KIAA0825: variants seen among roughly 807,000 people sequenced by gnomAD.
KIAA0825 encodes uncharacterized protein KIAA0825.
Under a neutral mutation model 147.6 loss-of-function variants are expected in KIAA0825, and 119 were observed. That is an observed-to-expected ratio of 0.81 (90% CI 0.69 to 0.94). KIAA0825 has a LOEUF of 0.94. Among genes scored for constraint, KIAA0825 ranks in the 40% least tolerant of loss-of-function variants. The pLI is 0.00. For missense variants in KIAA0825, 1,381 were observed against 1,472.7 expected (o/e 0.94, Z 1.02); for synonymous variants, 470 against 518.1 (o/e 0.91, Z 1.26).
At chr5:94,501,133 TAAAAC>T (rs1267995826) in intron 5 of KIAA0825, among the ~76,000 whole-genome samples, 1 of 152,182 alleles carries the variant, frequency 6.6e-6, no homozygotes, top group African/African-American at 2.4e-5. Context: ...ACATTAAAGA[TAAAAC>T]AAAGTGTTCA....
chr5:94,433,183 A>G (rs1018314241), intron 14 of KIAA0825, among the ~76,000 whole-genome samples: 1 of 151,922 alleles, frequency 6.6e-6, no homozygotes, highest in Non-Finnish European at 1.5e-5. Flanking sequence ...GCCTGCCACC[A>G]CACCTGGCTA....
At chr5:94,210,369 A>G (rs1176592914) in intron 20 of KIAA0825, among the ~76,000 whole-genome samples, 2 of 152,202 alleles carry the variant, frequency 1.3e-5, no homozygotes, top group South Asian at 2.1e-4. Context: ...TCCTTATAAC[A>G]TAATGATGCT....
intron 20 of KIAA0825, among the ~76,000 whole-genome samples, chr5:94,265,321 C>A (rs1040393291): frequency 1.3e-5 from 2 of 152,080 alleles, no homozygotes; most frequent in South Asian, 4.1e-4. Context: ...AGTCCCAAGA[C>A]CATTTCAGGC....
In KIAA0825 at chr5:94,180,059, TC is replaced by T. The variant is rs1299121412; in HGVS notation, c.3711-25936del. On this transcript the variant is annotated intron_variant, in intron 20 of 20. Transcript: ENST00000682413. ...GATATTTTTATAATATCAAAGCATC[TC>T]CCCCAAAGTACTTAGTAATTATAAA... Among the ~76,000 whole-genome samples the T allele has an allele frequency of 2.0e-5, 3 of 152,032 alleles. No homozygotes were observed. In the East Asian group the frequency reaches 5.8e-4, roughly 29 times the overall value.
At chr5:94,512,927 T>C (rs1473983544) in intron 5 of KIAA0825, among the ~76,000 whole-genome samples, 2 of 152,030 alleles carry the variant, frequency 1.3e-5, no homozygotes, top group Non-Finnish European at 1.5e-5. Context: ...TGGAATAATT[T>C]AGATAATTTT....
chr5:94,610,810 TAA>T (rs1788625407), intron 1 of KIAA0825, among the ~76,000 whole-genome samples: 3 of 67,934 alleles, frequency 4.4e-5, no homozygotes, highest in African/African-American at 1.7e-4. Flanking sequence ...TATATATAAA[TAA>T]AAAGATTAAA....
At chr5:94,360,514 G>A (rs1420159601) in intron 20 of KIAA0825, among the ~76,000 whole-genome samples, 1 of 152,142 alleles carries the variant, frequency 6.6e-6, no homozygotes, top group Non-Finnish European at 1.5e-5. Context: ...GATAAAACAG[G>A]TTGTAGTAAA....
chr5:94,593,115 C>G, intron 1 of KIAA0825: 1 of 742,598 alleles, frequency 1.3e-6, no homozygotes, highest in East Asian at 2.5e-5. Context: ...ATGGCAATAC[C>G]CTGGTGAATG....
intron 20 of KIAA0825, among the ~76,000 whole-genome samples, chr5:94,214,522 G>A (rs1773032774): frequency 6.6e-6 from 1 of 151,972 alleles, no homozygotes; most frequent in Non-Finnish European, 1.5e-5. Flanking sequence ...GACTTTAGTT[G>A]CTCTGAGCCC....
intron 5 of KIAA0825, chr5:94,519,136 A>C: frequency 1.3e-6 from 1 of 790,242 alleles, no homozygotes; most frequent in Non-Finnish European, 1.5e-6. Context: ...CTCTTCTGCA[A>C]TGAGATATAG....
At chr5:94,448,874 CT>C (rs1407091785) in intron 13 of KIAA0825, among the ~76,000 whole-genome samples, 3 of 152,240 alleles carry the variant, frequency 2.0e-5, no homozygotes, top group Non-Finnish European at 4.4e-5. Context: ...AAATCAATAA[CT>C]TTAGTTATTT....
intron 1 of KIAA0825, among the ~76,000 whole-genome samples, chr5:94,598,777 A>G (rs1255520253): frequency 6.6e-6 from 1 of 152,170 alleles, no homozygotes; most frequent in Admixed American, 6.6e-5. Context: ...CATGATAATC[A>G]TATGGGACCA....
chr5:94,524,765 T>A (rs1200751199), intron 3 of KIAA0825, among the ~76,000 whole-genome samples: 1 of 151,772 alleles, frequency 6.6e-6, no homozygotes, highest in Non-Finnish European at 1.5e-5. Context: ...CTTTTCCATA[T>A]TTTCTAAATA....
intron 20 of KIAA0825, among the ~76,000 whole-genome samples, chr5:94,172,732 C>T (rs892474910): frequency 1.3e-5 from 2 of 151,978 alleles, no homozygotes; most frequent in African/African-American, 4.8e-5. Flanking sequence ...ACCTACTATA[C>T]TTACGGTCTG....
At chr5:94,541,773 T>C (rs1417866268) in intron 2 of KIAA0825, among the ~76,000 whole-genome samples, 2 of 152,232 alleles carry the variant, frequency 1.3e-5, no homozygotes, top group Non-Finnish European at 2.9e-5. Context: ...GAATTCGGTT[T>C]GACACCAATA....
rs77375470 is a variant in KIAA0825 at position 94,442,101 on chromosome 5, G to A, written c.2358-1980C>T. On this transcript the variant is annotated intron_variant, in intron 13 of 20. Transcript: ENST00000682413. ...CTGATTGATTTTTCTGCTCATAAAT[G>A]AGTAGGCAAACTTATAGAAAAAAAA... Among the ~76,000 whole-genome samples, 983 of 152,256 alleles carry A rather than the reference G, an allele frequency of 6.5e-3. 14 individuals are homozygous for A. The highest frequency in any genetic ancestry group is 0.022 in the African/African-American group (922 of 41,556).
chr5:94,530,271 CAAAAAAAA>C (rs770501364), intron 3 of KIAA0825, among the ~76,000 whole-genome samples: 6 of 54,594 alleles, frequency 1.1e-4, no homozygotes, highest in South Asian at 1.1e-3. Flanking sequence ...AACTCCGTCA[CAAAAAAAA>C]AAAAAAAAAA....
intron 20 of KIAA0825, among the ~76,000 whole-genome samples, chr5:94,175,218 C>A (rs955495173): frequency 6.6e-6 from 1 of 152,146 alleles, no homozygotes; most frequent in African/African-American, 2.4e-5. Flanking sequence ...CTCTCATATC[C>A]TAAAATCCTA....
At chr5:94,607,837 G>A (rs1489062601) in intron 1 of KIAA0825, among the ~76,000 whole-genome samples, 1 of 152,142 alleles carries the variant, frequency 6.6e-6, no homozygotes, top group East Asian at 1.9e-4. Context: ...TCTTTTGCAT[G>A]TTCCAGCTTT....
Sources: gnomAD v4.1 joint callset for allele counts (sites outside exome capture counted in the v4.1 genomes callset) on GRCh38, gnomAD v4.1.1 for gene constraint, MANE v1.5 for transcripts, NCBI Gene and HGNC (gene_info 2026-07-23, HGNC 2026-07-21) for gene names.